The following RIC8B variants were observed in gnomAD, a reference collection of about 807,000 sequenced individuals.
RIC8B encodes the protein chaperone Ric-8B.
A neutral mutation model predicts 57.5 loss-of-function variants in RIC8B; 16 were observed. The observed-to-expected ratio is 0.28, with a 90% confidence interval of 0.19 to 0.42. The LOEUF (loss-of-function observed/expected upper bound fraction) is 0.42, where lower values mean the gene tolerates loss of function less well. Ranked by LOEUF, RIC8B falls within the 10% of genes least tolerant of loss-of-function variation. The pLI is 1.00. For synonymous variants in RIC8B, 216 were observed against 250.8 expected (o/e 0.86, Z 1.31); for missense variants, 481 against 677.0 (o/e 0.71, Z 3.21).
At chr12:106,801,385 T>C (rs1374364055) in intron 2 of RIC8B, among the ~76,000 whole-genome samples, 1 of 152,224 alleles carries the variant, frequency 6.6e-6, no homozygotes, top group African/African-American at 2.4e-5. Context: ...TGAGCCAAAC[T>C]TGTTTAATAA....
chr12:106,790,485 G>A (rs913043087), intron 2 of RIC8B, among the ~76,000 whole-genome samples: 2 of 152,180 alleles, frequency 1.3e-5, no homozygotes, highest in Non-Finnish European at 2.9e-5. Context: ...AAGCACCTGT[G>A]TTTATTGAAG....
chr12:106,868,766 GACACACACACACACACACACACAC>G (rs56293147), intron 8 of RIC8B, among the ~76,000 whole-genome samples: 81 of 122,984 alleles, frequency 6.6e-4, no homozygotes, highest in Admixed American at 2.3e-3. Context: ...AGGCACTCTA[GACACACACACACACACACACACAC>G]ACACACACAC....
rs985269480 is a variant in RIC8B at position 106,888,317 on chromosome 12, T to C, written c.*2302T>C. The C allele has an allele frequency of 1.3e-5, 2 of 152,260 alleles. No homozygotes were observed. Among genetic ancestry groups the C allele is most frequent in the Admixed American group, 1.3e-4 (2 of 15,286 alleles). The allele number at this position is 152,260 out of a possible 1,614,324, so 9.4% of individuals were successfully genotyped here. A position where few individuals can be genotyped will look rare whatever the true frequency, so the allele number is the denominator to read the frequency against. On this transcript the variant is annotated 3_prime_UTR_variant, in exon 10 of 10. Transcript: ENST00000392837. ...TGCGGGGAAGAAGATGAGAGTGTCT[T>C]CATCTGGCACACAGAAAGAGAACTA... is the stretch of plus-strand genomic sequence containing the variant.
At chr12:106,839,887 G>A (rs186775268) in intron 4 of RIC8B, among the ~76,000 whole-genome samples, 19 of 152,136 alleles carry the variant, frequency 1.2e-4, no homozygotes, top group Admixed American at 2.6e-4. Context: ...GCATGGTGGC[G>A]TGTGCGTGTG....
chr12:106,824,170 T>C (rs1184535736), intron 3 of RIC8B, among the ~76,000 whole-genome samples: 1 of 152,212 alleles, frequency 6.6e-6, no homozygotes, highest in Non-Finnish European at 1.5e-5. Context: ...CCTTCCTCTG[T>C]TACCCTTCCC....
intron 4 of RIC8B, among the ~76,000 whole-genome samples, chr12:106,839,149 A>G (rs1175089894): frequency 6.6e-6 from 1 of 152,242 alleles, no homozygotes; most frequent in Non-Finnish European, 1.5e-5. Context: ...TATTTGATTC[A>G]GCAATCACGC....
intron 9 of RIC8B, among the ~76,000 whole-genome samples, chr12:106,885,139 T>C (rs1951117012): frequency 6.6e-6 from 1 of 152,192 alleles, no homozygotes; most frequent in South Asian, 2.1e-4. Context: ...TTCCTAATGC[T>C]TTTTGACTGG....
At chr12:106,790,081 A>G (rs972928328) in intron 2 of RIC8B, among the ~76,000 whole-genome samples, 10 of 152,168 alleles carry the variant, frequency 6.6e-5, no homozygotes, top group Non-Finnish European at 1.3e-4. Context: ...TAAGAATATC[A>G]CCATTCCTAT....
chr12:106,861,655 C>T (rs933975953), intron 8 of RIC8B, among the ~76,000 whole-genome samples: 1 of 152,084 alleles, frequency 6.6e-6, no homozygotes, highest in African/African-American at 2.4e-5. Flanking sequence ...AGGAATCCTG[C>T]TTCTTTCTTT....
At chr12:106,785,180 T>A (rs1157496950) in intron 2 of RIC8B, among the ~76,000 whole-genome samples, 3 of 152,220 alleles carry the variant, frequency 2.0e-5, no homozygotes, top group Non-Finnish European at 4.4e-5. Context: ...ATTTCTTTTC[T>A]CTCCCTTGTA....
intron 9 of RIC8B, 177 bp downstream of exon 9, chr12:106,871,119 C>G: frequency 2.1e-6 from 1 of 480,424 alleles, no homozygotes; most frequent in Admixed American, 3.6e-5. Flanking sequence ...CTACATGTGC[C>G]GCTTCTGGAT....
intron 8 of RIC8B, among the ~76,000 whole-genome samples, chr12:106,861,369 C>T (rs1222948167): frequency 6.6e-6 from 1 of 151,970 alleles, no homozygotes; most frequent in Non-Finnish European, 1.5e-5. Flanking sequence ...TGTTGACATG[C>T]AAGTAATGGG....
At chr12:106,858,739 C>G (rs1949812637) in intron 7 of RIC8B, among the ~76,000 whole-genome samples, 1 of 151,854 alleles carries the variant, frequency 6.6e-6, no homozygotes, top group Non-Finnish European at 1.5e-5. Context: ...ACTCATTAGC[C>G]CATGTTTCCT....
chr12:106,866,209 G>A lies in RIC8B; in HGVS notation c.1452-4614G>A, dbSNP rs954592007. On this transcript the variant is annotated intron_variant, in intron 8 of 9. Coordinates refer to ENST00000392837, the MANE Select transcript of RIC8B (RefSeq NM_001330145.2). ...TTTTTGGTCTGTTTTTGTTCATGTA[G>A]ATGTCCCCAGAATAGTGCCCAGCAC... Among the ~76,000 whole-genome samples, 36 of 152,226 alleles carry A rather than the reference G, an allele frequency of 2.4e-4. 1 individual carries two copies. In the East Asian group the frequency reaches 6.2e-3, roughly 26 times the overall value.
chr12:106,815,762 G>A (rs1316934849), intron 3 of RIC8B, among the ~76,000 whole-genome samples: 1 of 152,192 alleles, frequency 6.6e-6, no homozygotes, highest in Non-Finnish European at 1.5e-5. Context: ...AAGATGCTCT[G>A]TGTATGCCTG....
At chr12:106,817,871 C>CTACT (rs928707548) in intron 3 of RIC8B, among the ~76,000 whole-genome samples, 16 of 149,780 alleles carry the variant, frequency 1.1e-4, no homozygotes, top group African/African-American at 3.9e-4. Context: ...GAGAAACTTG[C>CTACT]TACTAAGAGC....
chr12:106,793,623 T>C (rs2044352202), intron 2 of RIC8B, among the ~76,000 whole-genome samples: 1 of 152,130 alleles, frequency 6.6e-6, no homozygotes, highest in South Asian at 2.1e-4. Flanking sequence ...TTGAAGACAG[T>C]AGATCAGTCA....
chr12:106,854,477 G>A (rs977468716), intron 7 of RIC8B, among the ~76,000 whole-genome samples: 14 of 152,098 alleles, frequency 9.2e-5, no homozygotes, highest in Non-Finnish European at 1.9e-4. Context: ...AGTTATAATG[G>A]GTTAGGAACA....
intron 2 of RIC8B, among the ~76,000 whole-genome samples, chr12:106,785,815 G>GTCTC (rs2043991092): frequency 1.5e-5 from 1 of 66,914 alleles, no homozygotes; most frequent in Non-Finnish European, 3.1e-5. Flanking sequence ...CTCTCTCTCT[G>GTCTC]TGTGTGTGTG....
Sources: allele counts gnomAD v4.1 joint callset (sites outside exome capture counted in the v4.1 genomes callset), GRCh38; gene constraint gnomAD v4.1.1; transcripts MANE v1.5; gene names NCBI Gene and HGNC (gene_info 2026-07-23, HGNC 2026-07-21).